NFIA: variants seen among roughly 807,000 people sequenced by gnomAD.
The protein encoded by NFIA is nuclear factor I A.
In NFIA, 8 loss-of-function variants were observed where a neutral mutation model predicts 62.8. That is an observed-to-expected ratio of 0.13 (90% CI 0.07 to 0.23). The LOEUF (loss-of-function observed/expected upper bound fraction) is 0.23, where lower values mean the gene tolerates loss of function less well. Ranked by LOEUF, NFIA falls within the 10% of genes least tolerant of loss-of-function variation. The pLI is 1.00. For synonymous variants in NFIA, 235 were observed against 238.1 expected, an observed-to-expected ratio of 0.99 and a Z score of 0.12; for missense variants, 410 against 642.1, an observed-to-expected ratio of 0.64 and a Z score of 3.91.
At chr1:61,186,934 G>C (rs958432834) in intron 2 of NFIA, among the ~76,000 whole-genome samples, 5 of 152,088 alleles carry the variant, frequency 3.3e-5, no homozygotes, top group East Asian at 1.9e-4. Context: ...TTCACTCTTA[G>C]GACATCTGTG....
rs1360188951 is a variant in NFIA at position 61,441,331 on chromosome 1, G to GTGTGTC, written c.1513-13969_1513-13968insGTCTGT. Among the ~76,000 whole-genome samples the GTGTGTC allele has an allele frequency of 3.7e-3, 534 of 142,416 alleles. 1 individual carries two copies. The highest frequency in any genetic ancestry group is 8.2e-3 in the African/African-American group (302 of 36,846). 93.4% of individuals were successfully genotyped at this position (142,416 alleles called of 152,430 possible). On this transcript the variant is annotated intron_variant, in intron 10 of 10. Coordinates refer to ENST00000403491, the MANE Select transcript of NFIA (RefSeq NM_001134673.4). ...TGTGTGTGTGTGTGTGTGTGTGTGT[G>GTGTGTC]TGTCTGTCTGTCTGTCTGTCTGTGT...
chr1:61,275,622 T>G (rs1454622938), intron 2 of NFIA, among the ~76,000 whole-genome samples: 1 of 152,182 alleles, frequency 6.6e-6, no homozygotes, highest in African/African-American at 2.4e-5. Context: ...CAAAATTTTA[T>G]GTATCTGTTT....
intron 9 of NFIA, among the ~76,000 whole-genome samples, chr1:61,410,623 C>T (rs1348974957): frequency 1.3e-5 from 2 of 152,168 alleles, no homozygotes; most frequent in Admixed American, 6.5e-5. Context: ...AATATAGGGA[C>T]TGGGCTTCGT....
intron 2 of NFIA, among the ~76,000 whole-genome samples, chr1:61,134,245 A>AGTGTGTGTGTGTGT (rs61677972): frequency 2.0e-5 from 3 of 146,410 alleles, no homozygotes; most frequent in South Asian, 2.2e-4. Context: ...TGTGTGTGTG[A>AGTGTGTGTGTGTGT]GTGTGTGTGT....
intron 2 of NFIA, among the ~76,000 whole-genome samples, chr1:61,242,048 T>G (rs1265444336): frequency 6.6e-6 from 1 of 152,200 alleles, no homozygotes; most frequent in Non-Finnish European, 1.5e-5. Flanking sequence ...GTTTAAGATT[T>G]ATTTTAGTTT....
At chr1:61,224,253 C>T (rs1377084804) in intron 2 of NFIA, among the ~76,000 whole-genome samples, 1 of 151,920 alleles carries the variant, frequency 6.6e-6, no homozygotes, top group African/African-American at 2.4e-5. Context: ...CTTTTAAAAG[C>T]TCAAGTTAAT....
At chr1:61,436,804 AT>A (rs1489479277) in intron 10 of NFIA, among the ~76,000 whole-genome samples, 2 of 152,140 alleles carry the variant, frequency 1.3e-5, no homozygotes, top group Non-Finnish European at 2.9e-5. Context: ...TTGCATGAGA[AT>A]TTTTCTTAAG....
chr1:61,161,544 A>T (rs570290311), intron 2 of NFIA, among the ~76,000 whole-genome samples: 1 of 152,128 alleles, frequency 6.6e-6, no homozygotes, highest in East Asian at 1.9e-4. Context: ...GATGGATAGT[A>T]GCTTGAGATC....
At chr1:61,273,989 C>G (rs968314728) in intron 2 of NFIA, among the ~76,000 whole-genome samples, 3 of 152,146 alleles carry the variant, frequency 2.0e-5, no homozygotes, top group Non-Finnish European at 4.4e-5. Context: ...GGGAGTAGAC[C>G]TGAGGTTTGA....
intron 2 of NFIA, among the ~76,000 whole-genome samples, chr1:61,146,798 C>T (rs2100514615): frequency 6.6e-6 from 1 of 152,140 alleles, no homozygotes; most frequent in South Asian, 2.1e-4. Context: ...TGTGTAAAGT[C>T]TGTGTATCAA....
At chr1:61,361,003 T>TGGGA (rs2100446528) in intron 6 of NFIA, among the ~76,000 whole-genome samples, 2 of 152,106 alleles carry the variant, frequency 1.3e-5, no homozygotes, top group African/African-American at 4.8e-5. Flanking sequence ...AACTCAAGGA[T>TGGGA]AGATGGGAAG....
intron 3 of NFIA, among the ~76,000 whole-genome samples, chr1:61,294,019 A>G (rs1416896631): frequency 6.6e-6 from 1 of 152,212 alleles, no homozygotes; most frequent in Non-Finnish European, 1.5e-5. Flanking sequence ...ATACAATCCA[A>G]GCCTGAGGGA....
intron 2 of NFIA, among the ~76,000 whole-genome samples, chr1:61,163,304 C>T (rs137940722): frequency 6.6e-6 from 1 of 152,062 alleles, no homozygotes; most frequent in East Asian, 1.9e-4. Context: ...CCTGTGGTTA[C>T]GAGTTATGTG....
At chr1:61,271,315 A>C (rs1050715569) in intron 2 of NFIA, among the ~76,000 whole-genome samples, 1 of 152,206 alleles carries the variant, frequency 6.6e-6, no homozygotes, top group Non-Finnish European at 1.5e-5. Flanking sequence ...TCTTCAACTT[A>C]AACAGTCTTA....
At chr1:61,207,763 C>T (rs1652989638) in intron 2 of NFIA, among the ~76,000 whole-genome samples, 1 of 152,180 alleles carries the variant, frequency 6.6e-6, no homozygotes, top group Admixed American at 6.5e-5. Context: ...GTTTCTGCCT[C>T]CTTTTGCTTT....
intron 10 of NFIA, among the ~76,000 whole-genome samples, chr1:61,428,683 AAAT>A (rs1448754602): frequency 1.3e-5 from 2 of 152,136 alleles, no homozygotes; most frequent in Non-Finnish European, 2.9e-5. Flanking sequence ...TAGATAATAA[AAAT>A]AATAATATAC....
intron 2 of NFIA, among the ~76,000 whole-genome samples, chr1:61,221,773 T>C (rs2100618172): frequency 6.6e-6 from 1 of 152,252 alleles, no homozygotes; most frequent in Middle Eastern, 3.4e-3. Flanking sequence ...AATTGAGCAA[T>C]GCATTCTGGG....
At chr1:61,343,594 A>T (rs1662047283) in intron 4 of NFIA, among the ~76,000 whole-genome samples, 1 of 152,266 alleles carries the variant, frequency 6.6e-6, no homozygotes, top group Admixed American at 6.5e-5. Flanking sequence ...ATTTTCACAT[A>T]GAGGGAAATC....
chr1:61,260,737 G>C (rs1015617393), intron 2 of NFIA, among the ~76,000 whole-genome samples: 5 of 152,008 alleles, frequency 3.3e-5, no homozygotes, highest in Non-Finnish European at 1.5e-5. Context: ...CCCACCACCA[G>C]GCCCGGCTAA....
Sources: gnomAD v4.1 joint callset for allele counts (sites outside exome capture counted in the v4.1 genomes callset) on GRCh38, gnomAD v4.1.1 for gene constraint, MANE v1.5 for transcripts, NCBI Gene and HGNC (gene_info 2026-07-23, HGNC 2026-07-21) for gene names.